Variants in ARHGAP28 observed in about 807,000 individuals in gnomAD.
ARHGAP28 encodes Rho GTPase activating protein 28.
ARHGAP28 carries 56 observed loss-of-function variants against 90.7 expected under a neutral mutation model. The observed-to-expected ratio is 0.62, with a 90% CI of 0.50 to 0.77. The LOEUF is 0.77. Among genes scored for constraint, ARHGAP28 ranks in the 30% least tolerant of loss-of-function variants. The pLI is 0.00. For missense variants in ARHGAP28, 869 were observed against 900.9 expected (o/e 0.96, Z 0.45); for synonymous variants, 308 against 323.3 (o/e 0.95, Z 0.51).
intron 3 of ARHGAP28, among the ~76,000 whole-genome samples, chr18:6,845,564 T>G (rs1161887441): frequency 1.3e-5 from 2 of 152,178 alleles, no homozygotes; most frequent in Non-Finnish European, 2.9e-5. Context: ...TTCTTACTGA[T>G]GCTCTCCCTC....
In ARHGAP28 at chr18:6,876,109, G is replaced by T. The variant is rs565152011; in HGVS notation, c.1213-22G>T. On this transcript the variant is annotated intron_variant, in intron 9 of 17. Transcript: ENST00000383472. ...TGATCATATAGAGGTACTTATTCTG[G>T]TAATATATCATTGCTTTCTAGTTTT... 13 of 1,579,068 alleles carry T rather than the reference G, an allele frequency of 8.2e-6. No individual in the cohort carries two copies. In the South Asian group the frequency reaches 1.3e-4, roughly 16 times the overall value.
intron 1 of ARHGAP28, among the ~76,000 whole-genome samples, chr18:6,746,715 G>A (rs2056026311): frequency 6.6e-6 from 1 of 152,174 alleles, no homozygotes; most frequent in South Asian, 2.1e-4. Context: ...AACAGATTCT[G>A]ATGGATATGA....
chr18:6,912,289 A>G lies in ARHGAP28; in HGVS notation c.*135A>G. ...GTATTTCTGGCCCTCAGCAGTGGGC[A>G]TTGTAAGCATGAACTATGGAAGAGG... On this transcript the variant is annotated 3_prime_UTR_variant, in exon 18 of 18. Transcript: ENST00000383472. 1 of 476,078 alleles carries G rather than the reference A, an allele frequency of 2.1e-6. No homozygotes were observed. The highest frequency in any genetic ancestry group is 3.8e-5 in the Admixed American group (1 of 26,182). The allele number at this position is 476,078 out of a possible 1,614,324, so 29.5% of individuals were successfully genotyped here. A position where few individuals can be genotyped will look rare whatever the true frequency, so the allele number is the denominator to read the frequency against.
At chr18:6,875,654 A>T (rs1301929220) in intron 9 of ARHGAP28, among the ~76,000 whole-genome samples, 1 of 152,220 alleles carries the variant, frequency 6.6e-6, no homozygotes, top group Non-Finnish European at 1.5e-5. Context: ...AACACCTATC[A>T]CCATCCTGAG....
At position 6,904,169 on chromosome 18, in the gene ARHGAP28, G is replaced by A. The variant is rs539328669; in HGVS notation, c.2031-4791G>A. Among the ~76,000 whole-genome samples the A allele has an allele frequency of 8.3e-4, 126 of 152,286 alleles. 1 individual carries two copies. The highest frequency in any genetic ancestry group is 2.8e-3 in the African/African-American group (115 of 41,560). On this transcript the variant is annotated intron_variant, in intron 16 of 17. Transcript: ENST00000383472. Reference sequence around the variant, plus strand: ...AGCACTTTGGGAGACCGAGGCAGGCGGAATACCTGAGGTCAGAAGTTCGAG... The same window carrying A: ...AGCACTTTGGGAGACCGAGGCAGGCAGAATACCTGAGGTCAGAAGTTCGAG...
chr18:6,864,158 C>T (rs760472447), intron 5 of ARHGAP28, among the ~76,000 whole-genome samples: 14 of 152,194 alleles, frequency 9.2e-5, no homozygotes, highest in East Asian at 1.9e-4. Context: ...CTCTGCCTCC[C>T]GGATTCAAGC....
intron 14 of ARHGAP28, among the ~76,000 whole-genome samples, chr18:6,891,786 T>C: frequency 6.6e-6 from 1 of 151,886 alleles, no homozygotes; most frequent in Admixed American, 6.6e-5. Context: ...GAGATGGGGG[T>C]CTTGCTGTAT....
intron 2 of ARHGAP28, among the ~76,000 whole-genome samples, chr18:6,827,899 T>C (rs1375796534): frequency 6.7e-6 from 1 of 149,868 alleles, no homozygotes; most frequent in South Asian, 2.1e-4. Flanking sequence ...CCTCACTTCC[T>C]AGATGGGATG....
intron 6 of ARHGAP28, among the ~76,000 whole-genome samples, chr18:6,869,250 A>ATTTTTTTTTTTTTTTTTTTTTTTTT (rs2057062449): frequency 9.6e-6 from 1 of 103,812 alleles, no homozygotes; most frequent in Non-Finnish European, 2.0e-5. Context: ...TCCTTTTGCC[A>ATTTTTTTTTTTTTTTTTTTTTTTTT]TTCTTTTTTT....
Position 6,873,481 on chromosome 18 carries a change from A to C in ARHGAP28, c.1027A>C (p.Ile343Leu). 6.2e-7 allele frequency: 1 copy of C among 1,614,176 alleles called. No homozygotes were observed. Among genetic ancestry groups the C allele is most frequent in the Non-Finnish European group, 8.5e-7 (1 of 1,180,012 alleles). ...TCTGTCTGCTGAAGACATGAAGAAA[A>C]TCCGCCATCTCTCTCTGATTGAATT... ...GDLSAEDMKK[I>L]RHLSLIELTA... is the part of the protein sequence containing the mutation. Residue 343 changes from isoleucine (I) to leucine (L), a missense_variant, in exon 8 of 18, where the codon ATC becomes CTC. Transcript: ENST00000383472.
At chr18:6,812,324 T>G (rs2056562640) in intron 1 of ARHGAP28, among the ~76,000 whole-genome samples, 1 of 152,214 alleles carries the variant, frequency 6.6e-6, no homozygotes, top group African/African-American at 2.4e-5. Flanking sequence ...CTTCTTGTTT[T>G]AAATAATTAG....
chr18:6,850,937 C>CAT, intron 3 of ARHGAP28, 97 bp from the exon 4 acceptor site: 1 of 1,547,920 alleles, frequency 6.5e-7, no homozygotes. Context: ...GGCAGCTGTA[C>CAT]ATATATATAA....
intron 1 of ARHGAP28, among the ~76,000 whole-genome samples, chr18:6,778,347 T>A (rs527447445): frequency 2.0e-5 from 3 of 152,204 alleles, no homozygotes; most frequent in Non-Finnish European, 2.9e-5. Flanking sequence ...ATCCTAAAAA[T>A]GTATGAGTTT....
chr18:6,896,027 G>T (rs1456912508), intron 15 of ARHGAP28, among the ~76,000 whole-genome samples: 1 of 152,144 alleles, frequency 6.6e-6, no homozygotes, highest in Non-Finnish European at 1.5e-5. Flanking sequence ...CCCGTTTCAA[G>T]TGCCCATGTG....
chr18:6,847,285 A>T (rs2056873205), intron 3 of ARHGAP28, among the ~76,000 whole-genome samples: 1 of 151,676 alleles, frequency 6.6e-6, no homozygotes, highest in African/African-American at 2.4e-5. Context: ...CCCCACCCCT[A>T]ACAAGGGACT....
At chr18:6,826,260 C>T (rs897704930) in intron 2 of ARHGAP28, among the ~76,000 whole-genome samples, 1 of 151,428 alleles carries the variant, frequency 6.6e-6, no homozygotes, top group African/African-American at 2.4e-5. Flanking sequence ...TATTTGTTGT[C>T]TGTTTGTATG....
chr18:6,854,644 G>T (rs1439774526), intron 4 of ARHGAP28, among the ~76,000 whole-genome samples: 2 of 152,162 alleles, frequency 1.3e-5, no homozygotes, highest in African/African-American at 4.8e-5. Flanking sequence ...GGTGCAGCCA[G>T]GGTTGTGCCT....
intron 1 of ARHGAP28, among the ~76,000 whole-genome samples, chr18:6,750,502 T>C (rs1157837490): frequency 5.3e-5 from 8 of 152,220 alleles, no homozygotes; most frequent in Non-Finnish European, 1.0e-4. Flanking sequence ...TGTTAGTCTG[T>C]TTCCTGTTTC....
chr18:6,859,724 T>A, intron 4 of ARHGAP28, 84 bp from the exon 5 acceptor site: 1 of 1,308,270 alleles, frequency 7.6e-7, no homozygotes, highest in Non-Finnish European at 1.1e-6. Context: ...CACACATATC[T>A]CAGTATGAAC....
Sources: allele counts gnomAD v4.1 joint callset (sites outside exome capture counted in the v4.1 genomes callset), GRCh38; gene constraint gnomAD v4.1.1; transcripts MANE v1.5; gene names NCBI Gene and HGNC (gene_info 2026-07-23, HGNC 2026-07-21).